Variants in PAPOLG observed in about 807,000 individuals in gnomAD.
PAPOLG encodes PAP-gamma.
Under a neutral mutation model 99.0 loss-of-function variants are expected in PAPOLG, and 40 were observed. The observed-to-expected ratio is 0.40, with a 90% CI of 0.31 to 0.53. PAPOLG has a LOEUF of 0.53. Among genes scored for constraint, PAPOLG ranks in the 20% least tolerant of loss-of-function variants. PAPOLG has a pLI of 0.41. For synonymous variants in PAPOLG, 310 were observed against 299.3 expected (o/e 1.04, Z -0.37); for missense variants, 675 against 884.1 (o/e 0.76, Z 3.00).
rs1212059779 is a variant in PAPOLG, at chr2:60,794,730, A to G, written c.2010A>G (p.Thr670=). 3 of 1,611,584 alleles carry G rather than the reference A, an allele frequency of 1.9e-6. No homozygotes were observed. Among genetic ancestry groups the G allele is most frequent in the African/African-American group, 1.3e-5 (1 of 74,850 alleles). The change falls in exon 20 of 22, where the codon ACA becomes ACG. Residue 670 remains threonine (T), a synonymous_variant. Coordinates refer to ENST00000238714, the MANE Select transcript of PAPOLG (RefSeq NM_022894.4). Reference sequence around the variant, plus strand: ...TTTAGTTTATTCGACTTGAATCAACATTTAAGGACCCCCGCACTGCTGAAG... The same window carrying G: ...TTTAGTTTATTCGACTTGAATCAACGTTTAAGGACCCCCGCACTGCTGAAG... ...DVEKFIRLES[T]FKDPRTAEER...
At chr2:60,758,175 C>T (rs1229885889) in intron 1 of PAPOLG, among the ~76,000 whole-genome samples, 3 of 152,136 alleles carry the variant, frequency 2.0e-5, no homozygotes, top group African/African-American at 7.2e-5. Flanking sequence ...ATGTATTACA[C>T]AAACAATACC....
chr2:60,778,183 A>G (rs1671078071), intron 8 of PAPOLG, among the ~76,000 whole-genome samples: 2 of 152,098 alleles, frequency 1.3e-5, no homozygotes, highest in African/African-American at 2.4e-5. Context: ...GGCTTGCTGT[A>G]TCTCCCAGAC....
Position 60,799,542 on chromosome 2 carries a change from GT to G in PAPOLG, c.*2383del, listed in dbSNP as rs1671801070. 1 of 152,352 alleles carries G rather than the reference GT, an allele frequency of 6.6e-6. No individual in the cohort carries two copies. Among genetic ancestry groups the G allele is most frequent in the South Asian group, 2.1e-4 (1 of 4,834 alleles). 9.4% of individuals were successfully genotyped at this position (152,352 alleles called of 1,614,324 possible). A position where few individuals can be genotyped will look rare whatever the true frequency, so the allele number is the denominator to read the frequency against. ...GAAGCTTCCATTGTACTAGTTCCAA[GT>G]AAAAAAGGAGAAAGTATGATCTGGG... is the stretch of plus-strand genomic sequence containing the variant. On this transcript the variant is annotated 3_prime_UTR_variant, in exon 22 of 22. Coordinates refer to ENST00000238714, the MANE Select transcript of PAPOLG (RefSeq NM_022894.4).
At chr2:60,770,560 G>A (rs760465763) in intron 6 of PAPOLG, 49 bp downstream of exon 6, 2 of 1,230,186 alleles carry the variant, frequency 1.6e-6, no homozygotes, top group Non-Finnish European at 2.3e-6. Flanking sequence ...GTTTAAACTT[G>A]TAAGTTTGTT....
At chr2:60,758,338 T>TG (rs1238418218) in intron 1 of PAPOLG, among the ~76,000 whole-genome samples, 2 of 149,578 alleles carry the variant, frequency 1.3e-5, no homozygotes, top group African/African-American at 4.9e-5. Context: ...GTTTTTTTTT[T>TG]TTTTTTTTTT....
Position 60,794,002 on chromosome 2 carries a change from C to G in PAPOLG, c.1800C>G (p.Pro600=). The G allele has an allele frequency of 6.2e-7, 1 of 1,612,010 alleles. No homozygotes were observed. Among genetic ancestry groups the G allele is most frequent in the Non-Finnish European group, 8.5e-7 (1 of 1,178,098 alleles). ...ACTCTACAGTAAAAACTGTATCACC[C>G]CCCACTGTGTGTACCATTCCTACCG... is the stretch of plus-strand genomic sequence containing the variant. ...KVDSTVKTVS[P]PTVCTIPTVV... Residue 600 remains proline (P), a synonymous_variant, in exon 19 of 22, where the codon CCC becomes CCG. Transcript: ENST00000238714.
At position 60,756,487 on chromosome 2, in the gene PAPOLG, G is replaced by T. The variant is rs1245063360; in HGVS notation, c.9G>T (p.Glu3Asp). Residue 3 changes from glutamate to aspartate, a missense_variant, in exon 1 of 22, where the codon GAG becomes GAT. Physicochemically the swap from Glu to Asp is conservative, Grantham distance 45. Coordinates refer to ENST00000238714, the MANE Select transcript of PAPOLG (RefSeq NM_022894.4). The part of the protein sequence containing the change: MK[E>D]MSANTVLDSQ... The stretch of plus-strand genomic sequence containing the variant: ...GGGAGACGCAGGAAGCGATGAAAGA[G>T]ATGTCTGCGTAAGTGGTGGGGGGCG... The T allele has an allele frequency of 6.3e-7, 1 of 1,586,294 alleles. No homozygotes were observed. The highest frequency in any genetic ancestry group is 1.7e-5 in the Admixed American group (1 of 59,072).
At chr2:60,760,479 T>C (rs1007065893) in intron 2 of PAPOLG, among the ~76,000 whole-genome samples, 184 bp downstream of exon 2, 1 of 152,142 alleles carries the variant, frequency 6.6e-6, no homozygotes, top group African/African-American at 2.4e-5. Flanking sequence ...ATCAATAATA[T>C]CAGTATGACA....
At chr2:60,793,916 G>A (rs76350040) in intron 18 of PAPOLG, 55 bp from the exon 19 acceptor site, 1 of 1,550,790 alleles carries the variant, frequency 6.4e-7, no homozygotes, top group South Asian at 1.2e-5. Flanking sequence ...CCTGTCTCAA[G>A]GAAAAAAAAA....
At chr2:60,779,867 CTGT>C (rs1671137428) in intron 9 of PAPOLG, 92 bp downstream of exon 9, 3 of 1,113,156 alleles carry the variant, frequency 2.7e-6, no homozygotes, top group South Asian at 2.1e-5. Flanking sequence ...TAGACTTTTT[CTGT>C]TGTTTTACAT....
At chr2:60,777,693 C>G (rs1159793346) in intron 8 of PAPOLG, among the ~76,000 whole-genome samples, 1 of 152,128 alleles carries the variant, frequency 6.6e-6, no homozygotes, top group Non-Finnish European at 1.5e-5. Flanking sequence ...ACATACGACT[C>G]TTTCTTTTAC....
rs2103834730 is a variant in PAPOLG at position 60,797,527 on chromosome 2, T to G, written c.*367T>G. 1 of 90,416 alleles carries G rather than the reference T, an allele frequency of 1.1e-5. No individual in the cohort carries two copies. Among genetic ancestry groups the G allele is most frequent in the Admixed American group, 1.1e-4 (1 of 8,826 alleles). The allele number at this position is 90,416 out of a possible 1,614,324, so 5.6% of individuals were successfully genotyped here. ...CTCCTTTTTTGTTTTGTTTTTTGTG[T>G]TTTTCTTTTTTTGTCTTATGTTGTA... is the stretch of plus-strand genomic sequence containing the variant. On this transcript the variant is annotated 3_prime_UTR_variant, in exon 22 of 22. Transcript: ENST00000238714.
intron 21 of PAPOLG, among the ~76,000 whole-genome samples, chr2:60,796,240 T>C (rs1464997397): frequency 8.3e-6 from 1 of 121,122 alleles, no homozygotes; most frequent in Non-Finnish European, 1.7e-5. Flanking sequence ...TTTTTGGACA[T>C]GGAGGCTCGC....
Position 60,768,494 on chromosome 2 carries a change from A to T in PAPOLG, c.271A>T (p.Thr91Ser). The change falls in exon 4 of 22, where the codon ACT (threonine) becomes TCT (serine). Residue 91 changes from threonine to serine, a missense_variant. By Grantham distance (58) the Thr-to-Ser change is moderately conservative. This residue lies in a region of PAPOLG where 149 missense variants were observed against 192.1 expected (regional missense o/e 0.78). Coordinates refer to ENST00000238714, the MANE Select transcript of PAPOLG (RefSeq NM_022894.4). Reference sequence around the variant, plus strand: ...GAACCTCCCACCTTCTGTTGTGGCTACTGTTGGTGGTAAAATTTTCACATT... The same window carrying T: ...GAACCTCCCACCTTCTGTTGTGGCTTCTGTTGGTGGTAAAATTTTCACATT... ...SKNLPPSVVA[T>S]VGGKIFTFGS... is the part of the protein sequence containing the mutation. 3 of 1,614,014 alleles carry T rather than the reference A, an allele frequency of 1.9e-6. No homozygotes were observed. The highest frequency in any genetic ancestry group is 2.5e-6 in the Non-Finnish European group (3 of 1,179,906).
chr2:60,781,368 G>C lies in PAPOLG; in HGVS notation c.907-517G>C, dbSNP rs565199381. On this transcript the variant is annotated intron_variant, in intron 10 of 21. Coordinates refer to ENST00000238714, the MANE Select transcript of PAPOLG (RefSeq NM_022894.4). ...TGAGACTTCGTCTCAAAAAAAAAAA[G>C]TAATTGGTTACTAATAATAAAGTAC... Among the ~76,000 whole-genome samples, 3 of 148,938 alleles carry C rather than the reference G, an allele frequency of 2.0e-5. No individual in the cohort carries two copies. In the South Asian group the frequency reaches 6.3e-4, roughly 31 times the overall value.
chr2:60,796,065 A>G (rs1671686692), intron 21 of PAPOLG, among the ~76,000 whole-genome samples: 1 of 152,118 alleles, frequency 6.6e-6, no homozygotes, highest in Non-Finnish European at 1.5e-5. Flanking sequence ...ACTTCTTTGT[A>G]TATCTGAAAT....
chr2:60,782,653 C>CTTTTTTTTTTTTTTT (rs747526129), intron 11 of PAPOLG, 33 bp from the exon 12 acceptor site: 8 of 1,065,974 alleles, frequency 7.5e-6, no homozygotes, highest in South Asian at 1.9e-5. Context: ...CATTCTTCTT[C>CTTTTTTTTTTTTTTT]TTTTTTTTTT....
chr2:60,767,084 G>C (rs2103769671), intron 3 of PAPOLG, among the ~76,000 whole-genome samples: 2 of 152,292 alleles, frequency 1.3e-5, no homozygotes, highest in South Asian at 4.1e-4. Context: ...AGTAGTCGTT[G>C]AATAGAAAGG....
intron 16 of PAPOLG, 110 bp from the exon 17 acceptor site, chr2:60,792,019 C>G: frequency 2.7e-6 from 4 of 1,455,672 alleles, no homozygotes; most frequent in Non-Finnish European, 3.7e-6. Context: ...ACTAAAATCT[C>G]ATTTTCATTA....
Sources: gnomAD v4.1 joint callset for allele counts (sites outside exome capture counted in the v4.1 genomes callset) on GRCh38, gnomAD v4.1.1 for gene constraint, gnomAD v4.1.1 regional missense constraint, MANE v1.5 for transcripts, NCBI Gene and HGNC (gene_info 2026-07-23, HGNC 2026-07-21) for gene names.